CPNE1: variants seen among roughly 807,000 people sequenced by gnomAD.
CPNE1 encodes the protein copine 1.
A neutral mutation model predicts 63.2 loss-of-function variants in CPNE1; 58 were observed. The observed-to-expected ratio is 0.92, with a 90% CI of 0.74 to 1.14. The LOEUF (loss-of-function observed/expected upper bound fraction) is 1.14, where lower values mean the gene tolerates loss of function less well. Ranked by LOEUF, CPNE1 falls within the 50% of genes most tolerant of loss-of-function variation. CPNE1 has a pLI of 0.00. For synonymous variants in CPNE1, 237 were observed against 249.0 expected, an observed-to-expected ratio of 0.95 and a Z score of 0.45; for missense variants, 672 against 661.7, an observed-to-expected ratio of 1.02 and a Z score of -0.17.
intron 1 of CPNE1, among the ~76,000 whole-genome samples, chr20:35,642,550 A>G (rs957912464): frequency 6.6e-6 from 1 of 152,146 alleles, no homozygotes; most frequent in Non-Finnish European, 1.5e-5. Context: ...GAAAAGACAA[A>G]CTACACCAAC....
chr20:35,641,591 A>G (rs1478395360), intron 1 of CPNE1, among the ~76,000 whole-genome samples: 4 of 152,244 alleles, frequency 2.6e-5, no homozygotes, highest in Non-Finnish European at 4.4e-5. Flanking sequence ...TAATGTATGC[A>G]TGATGCTTAG....
chr20:35,635,626 T>C (rs1171603522), intron 1 of CPNE1, among the ~76,000 whole-genome samples: 3 of 152,142 alleles, frequency 2.0e-5, no homozygotes, highest in Non-Finnish European at 4.4e-5. Context: ...GTGTCCCCCT[T>C]GGCCCATATA....
Position 35,630,961 on chromosome 20 carries a change from C to A in CPNE1, c.935G>T (p.Gly312Val). 1 of 1,613,976 alleles carries A rather than the reference C, an allele frequency of 6.2e-7. No homozygotes were observed. The highest frequency in any genetic ancestry group is 1.1e-5 in the South Asian group (1 of 91,074). ...PDSLHYLSPT[G>V]VNEYLMALWS... ...CAGTGCCATCAGGTACTCATTGACC[C>A]CTGTTGGACTCAGGTAGTGTAGGGA... The change falls in exon 11 of 16, where the codon GGG becomes GTG. Residue 312 changes from glycine (G) to valine (V), a missense_variant. Physicochemically the swap from Gly to Val is moderately radical, Grantham distance 109. Transcript: ENST00000397443.
intron 1 of CPNE1, chr20:35,653,581 T>C (rs746878659): frequency 1.9e-5 from 30 of 1,614,092 alleles, no homozygotes; most frequent in African/African-American, 5.3e-5. Flanking sequence ...ACCTTGCCCA[T>C]TGTTATCAAC....
intron 1 of CPNE1, chr20:35,650,477 T>C (rs1601461822): frequency 6.6e-6 from 1 of 152,624 alleles, no homozygotes; most frequent in Non-Finnish European, 1.5e-5. Context: ...GAAATACAAC[T>C]CTCAAGCAGT....
chr20:35,645,772 C>G (rs1225037425), intron 1 of CPNE1, among the ~76,000 whole-genome samples: 6 of 152,186 alleles, frequency 3.9e-5, no homozygotes, highest in East Asian at 3.8e-4. Flanking sequence ...CCTACTGGTC[C>G]CACAGGCCAA....
intron 1 of CPNE1, among the ~76,000 whole-genome samples, chr20:35,636,983 A>G (rs920232513): frequency 1.3e-5 from 2 of 152,166 alleles, no homozygotes; most frequent in African/African-American, 4.8e-5. Flanking sequence ...ATAATTCTGT[A>G]TTGTTTCAAT....
At chr20:35,646,383 G>A (rs2033101330) in intron 1 of CPNE1, among the ~76,000 whole-genome samples, 1 of 144,374 alleles carries the variant, frequency 6.9e-6, no homozygotes, top group African/African-American at 2.6e-5. Flanking sequence ...AACTCTAAGT[G>A]ACAAGGCTTT....
chr20:35,644,610 A>G (rs2033007163), intron 1 of CPNE1, among the ~76,000 whole-genome samples: 3 of 152,214 alleles, frequency 2.0e-5, no homozygotes, highest in Non-Finnish European at 2.9e-5. Flanking sequence ...CCTAAGTCAC[A>G]TAACTGATGG....
At chr20:35,652,593 G>A (rs773283167) in intron 1 of CPNE1, 1 of 1,614,126 alleles carries the variant, frequency 6.2e-7, no homozygotes, top group Admixed American at 1.7e-5. Flanking sequence ...CAGCAGCTGT[G>A]GCTTCATCCC....
intron 1 of CPNE1, 123 bp from the exon 2 acceptor site, chr20:35,633,046 G>C: frequency 2.8e-6 from 2 of 715,774 alleles, no homozygotes; most frequent in South Asian, 3.5e-5. Context: ...GTCCACCCCC[G>C]TGACACCCAA....
At chr20:35,640,518 C>G (rs1256281317) in intron 1 of CPNE1, among the ~76,000 whole-genome samples, 1 of 152,118 alleles carries the variant, frequency 6.6e-6, no homozygotes, top group East Asian at 1.9e-4. Context: ...CATCTTGGCT[C>G]GATGTCTCTA....
At chr20:35,630,628 A>G (rs2032060993) in intron 12 of CPNE1, 113 bp downstream of exon 12, 1 of 1,451,266 alleles carries the variant, frequency 6.9e-7, no homozygotes, top group Non-Finnish European at 9.7e-7. Flanking sequence ...CAGGAATCCA[A>G]CCCTGCATCT....
chr20:35,633,841 C>T (rs1255133561), intron 1 of CPNE1, among the ~76,000 whole-genome samples: 4 of 151,574 alleles, frequency 2.6e-5, no homozygotes, highest in African/African-American at 9.7e-5. Context: ...TGCCTATAAT[C>T]CTGGCTACTC....
rs1342450556 is a variant in CPNE1, at chr20:35,639,334, G to A, written c.1-6411C>T. ...TGAAAATTTTCATAATAAAATGTTG[G>A]GGAAACTATTATTTTTTTTTTAGAC... is the stretch of plus-strand genomic sequence containing the variant. On this transcript the variant is annotated intron_variant, in intron 1 of 15. Coordinates refer to ENST00000397443, the MANE Select transcript of CPNE1 (RefSeq NM_152925.3). Among the ~76,000 whole-genome samples, 4 of 152,108 alleles carry A rather than the reference G, an allele frequency of 2.6e-5. No homozygotes were observed. The East Asian group carries it at 5.8e-4, about 22-fold the overall frequency.
At chr20:35,654,160 T>C (rs1467886265) in intron 1 of CPNE1, 4 of 1,614,108 alleles carry the variant, frequency 2.5e-6, no homozygotes, top group Admixed American at 1.7e-5. Context: ...AAAAGTGATA[T>C]GGCCTCCAGC....
intron 13 of CPNE1, chr20:35,627,631 C>A: frequency 2.2e-6 from 1 of 457,184 alleles, no homozygotes; most frequent in South Asian, 3.6e-5. Flanking sequence ...GAATTAGCAC[C>A]CAGATGAGAG....
chr20:35,653,351 G>A (rs1037959747), intron 1 of CPNE1: 3 of 1,614,122 alleles, frequency 1.9e-6, no homozygotes, highest in Non-Finnish European at 2.5e-6. Context: ...CCCACACCGG[G>A]CAGTCCCGCA....
chr20:35,634,260 CAAA>C lies in CPNE1; in HGVS notation c.1-1340_1-1338del, dbSNP rs35273568. ...TGGGGGACCGAGGTTGACTCTGTCA[CAAA>C]AAAAAAAAAAAAAAAGTGAGGTCAT... On this transcript the variant is annotated intron_variant, in intron 1 of 15. Transcript: ENST00000397443. Among the ~76,000 whole-genome samples the C allele has an allele frequency of 7.0e-5, 6 of 85,456 alleles. No homozygotes were observed. In the South Asian group the frequency reaches 1.0e-3, roughly 15 times the overall value. 56.1% of individuals were successfully genotyped at this position (85,456 alleles called of 152,430 possible). A position where few individuals can be genotyped will look rare whatever the true frequency, so the allele number is the denominator to read the frequency against.
Sources: gnomAD v4.1 joint callset for allele counts (sites outside exome capture counted in the v4.1 genomes callset) on GRCh38, gnomAD v4.1.1 for gene constraint, MANE v1.5 for transcripts, NCBI Gene and HGNC (gene_info 2026-07-23, HGNC 2026-07-21) for gene names.